Variants in BLK observed in about 807,000 individuals in gnomAD.
The protein encoded by BLK is BLK proto-oncogene, Src family tyrosine kinase.
BLK carries 64 observed loss-of-function variants against 61.8 expected under a neutral mutation model. That is an observed-to-expected ratio of 1.03 (90% CI 0.85 to 1.27). The LOEUF (loss-of-function observed/expected upper bound fraction) is 1.27. Ranked by LOEUF, BLK falls within the 50% of genes most tolerant of loss-of-function variation. BLK has a pLI of 0.00. For synonymous variants in BLK, 351 were observed against 272.0 expected (o/e 1.29, Z -2.86); for missense variants, 853 against 660.5 (o/e 1.29, Z -3.19).
At chr8:11,496,405 T>C (rs545630925) in intron 1 of BLK, among the ~76,000 whole-genome samples, 56 of 152,262 alleles carry the variant, frequency 3.7e-4, no homozygotes, top group South Asian at 1.2e-3. Context: ...ATCTGGCTAA[T>C]TTTTTAATCT....
At chr8:11,515,783 G>A (rs986902233) in intron 1 of BLK, among the ~76,000 whole-genome samples, 2 of 152,228 alleles carry the variant, frequency 1.3e-5, no homozygotes, top group Non-Finnish European at 2.9e-5. Flanking sequence ...GCTTCCTGCA[G>A]TCTGTGTTCT....
intron 1 of BLK, among the ~76,000 whole-genome samples, chr8:11,500,781 G>C (rs1348651309): frequency 6.6e-6 from 1 of 152,156 alleles, no homozygotes; most frequent in Non-Finnish European, 1.5e-5. Flanking sequence ...CCAAAGTGCT[G>C]GGATTACAGG....
At chr8:11,536,503 A>T (rs1413372179) in intron 1 of BLK, among the ~76,000 whole-genome samples, 1 of 152,020 alleles carries the variant, frequency 6.6e-6, no homozygotes, top group Non-Finnish European at 1.5e-5. Context: ...CGATTCTCCC[A>T]CCTCAACCTC....
chr8:11,546,224 A>G, intron 3 of BLK, 121 bp downstream of exon 3: 1 of 1,224,706 alleles, frequency 8.2e-7, no homozygotes, highest in Non-Finnish European at 1.2e-6. Context: ...GAAAACGGGG[A>G]AGCTGAGAGA....
chr8:11,551,063 C>T (rs1305201044), intron 6 of BLK, among the ~76,000 whole-genome samples: 1 of 152,150 alleles, frequency 6.6e-6, no homozygotes, highest in Non-Finnish European at 1.5e-5. Context: ...GATGGAAATC[C>T]TTCCTTGCTC....
chr8:11,507,945 A>G (rs906320953), intron 1 of BLK, among the ~76,000 whole-genome samples: 1 of 152,188 alleles, frequency 6.6e-6, no homozygotes, highest in Admixed American at 6.5e-5. Flanking sequence ...GGTAGAGTCA[A>G]CGGCCTTCCA....
intron 10 of BLK, chr8:11,560,009 G>A (rs1478500976): frequency 2.5e-5 from 9 of 363,870 alleles, no homozygotes; most frequent in East Asian, 1.5e-4. Context: ...TTATCAGAAC[G>A]AGTACTGTTA....
chr8:11,518,072 C>T (rs898521574), intron 1 of BLK, among the ~76,000 whole-genome samples: 3 of 152,096 alleles, frequency 2.0e-5, no homozygotes, highest in South Asian at 2.1e-4. Flanking sequence ...AAGAGGGAAC[C>T]GAGGCTGGGA....
intron 1 of BLK, among the ~76,000 whole-genome samples, chr8:11,541,660 G>T (rs189224193): frequency 2.6e-5 from 4 of 152,144 alleles, no homozygotes; most frequent in Admixed American, 6.5e-5. Context: ...ACCACACCTG[G>T]CTAATTTTTG....
At chr8:11,516,188 T>C (rs951620531) in intron 1 of BLK, among the ~76,000 whole-genome samples, 1 of 152,254 alleles carries the variant, frequency 6.6e-6, no homozygotes, top group African/African-American at 2.4e-5. Context: ...CAATTCCATT[T>C]AAATGAGTCC....
intron 1 of BLK, among the ~76,000 whole-genome samples, chr8:11,528,010 G>T (rs1215746357): frequency 6.6e-6 from 1 of 152,066 alleles, no homozygotes; most frequent in Non-Finnish European, 1.5e-5. Flanking sequence ...AGCAAGGAGG[G>T]GGTTAGTTTT....
At chr8:11,503,403 G>A (rs1384213108) in intron 1 of BLK, among the ~76,000 whole-genome samples, 2 of 152,106 alleles carry the variant, frequency 1.3e-5, no homozygotes, top group Non-Finnish European at 2.9e-5. Context: ...AAAGATCTGG[G>A]GGTGCTGGCA....
rs80167929 is a variant in BLK, at chr8:11,543,141, G to A, written c.-1-83G>A. Reference sequence around the variant, plus strand: ...ACCCCACCTTTCTAACCAGCCTCCCGGAAGGGGCCAGGGATCCCCTCTGTG... The same window carrying A: ...ACCCCACCTTTCTAACCAGCCTCCCAGAAGGGGCCAGGGATCCCCTCTGTG... On this transcript the variant is annotated intron_variant, in intron 1 of 12. Transcript: ENST00000259089. The A allele has an allele frequency of 0.015, 23,886 of 1,605,214 alleles. 352 individuals are homozygous for A. The highest frequency in any genetic ancestry group is 0.074 in the African/African-American group (5,572 of 74,892).
chr8:11,513,521 C>A (rs748083997), intron 1 of BLK, among the ~76,000 whole-genome samples: 2 of 152,198 alleles, frequency 1.3e-5, no homozygotes, highest in Non-Finnish European at 2.9e-5. Flanking sequence ...CCCTCAGCAT[C>A]CCCTAAATCT....
chr8:11,558,026 C>T lies in BLK; in HGVS notation c.1017C>T (p.Asp339=). The change falls in exon 10 of 13, where the codon GAC becomes GAT. Residue 339 remains aspartate (D), a synonymous_variant. Transcript: ENST00000259089. ...GSRLSLPRLI[D]MSAQIAEGMA... is the part of the protein sequence containing the mutation. ...GATTGTCACTCCCAAGGCTGATTGA[C>T]ATGTCGGCGCAGGTTGGTGAAGTAC... is the stretch of plus-strand genomic sequence containing the variant. The T allele has an allele frequency of 6.2e-7, 1 of 1,614,068 alleles. No individual in the cohort carries two copies. The highest frequency in any genetic ancestry group is 8.5e-7 in the Non-Finnish European group (1 of 1,179,928).
chr8:11,515,288 G>T (rs911633697), intron 1 of BLK, among the ~76,000 whole-genome samples: 3 of 152,138 alleles, frequency 2.0e-5, no homozygotes, highest in East Asian at 1.9e-4. Context: ...GAGGGACCTC[G>T]AGCAAGCTTG....
rs574232172 is a variant in BLK, at chr8:11,536,720, T to C, written c.-1-6504T>C. On this transcript the variant is annotated intron_variant, in intron 1 of 12. Transcript: ENST00000259089. ...TGTGCCTGGCCAATATTCTTGACTT[T>C]AGTATATTTTGGAAGGTTTCATAAA... is the stretch of plus-strand genomic sequence containing the variant. Among the ~76,000 whole-genome samples, 4 of 152,350 alleles carry C rather than the reference T, an allele frequency of 2.6e-5. No individual in the cohort carries two copies. In the South Asian group the frequency reaches 8.3e-4, roughly 32 times the overall value.
chr8:11,556,945 G>A (rs756193190), intron 9 of BLK, 108 bp downstream of exon 9: 4 of 987,806 alleles, frequency 4.0e-6, no homozygotes, highest in South Asian at 1.4e-5. Context: ...GGGTCCTGCA[G>A]ATCTAGGGCA....
chr8:11,542,242 A>T (rs1410508397), intron 1 of BLK, among the ~76,000 whole-genome samples: 15 of 152,226 alleles, frequency 9.9e-5, no homozygotes, highest in Admixed American at 6.5e-4. Flanking sequence ...AGCATCCTCC[A>T]TTGTGAGACA....
Sources: gnomAD v4.1 joint callset for allele counts (sites outside exome capture counted in the v4.1 genomes callset) on GRCh38, gnomAD v4.1.1 for gene constraint, MANE v1.5 for transcripts, NCBI Gene and HGNC (gene_info 2026-07-23, HGNC 2026-07-21) for gene names.